The following KAZALD1 variants were observed in gnomAD, a reference collection of about 807,000 sequenced individuals.
KAZALD1 encodes kazal-type serine protease inhibitor domain-containing protein 1.
In KAZALD1, 31 loss-of-function variants were observed where a neutral mutation model predicts 27.7. The ratio of observed to expected loss-of-function variants is 1.12; its 90% CI spans 0.84 to 1.51. KAZALD1 has a LOEUF of 1.51. Among genes scored for constraint, KAZALD1 ranks in the 40% most tolerant of loss-of-function variants. The pLI, the probability that KAZALD1 is intolerant of heterozygous loss-of-function variation, is 0.00. For missense variants in KAZALD1, 444 were observed against 408.9 expected (o/e 1.09, Z -0.74); for synonymous variants, 179 against 182.0 (o/e 0.98, Z 0.13).
Position 101,065,163 on chromosome 10 carries a change from A to C in KAZALD1, c.*243A>C, listed in dbSNP as rs1028088210. The C allele has an allele frequency of 1.4e-5, 7 of 504,156 alleles. No homozygotes were observed. In the Admixed American group the frequency reaches 2.0e-4, roughly 15 times the overall value. The allele number at this position is 504,156 out of a possible 1,614,324, so 31.2% of individuals were successfully genotyped here. ...TGGGGTACAAAGGGGCCCATGCAGG[A>C]GATGCCCTGGCCAGTAGGACCTCCA... On this transcript the variant is annotated 3_prime_UTR_variant, in exon 5 of 5. Transcript: ENST00000370200.
intron 1 of KAZALD1, among the ~76,000 whole-genome samples, 198 bp downstream of exon 1, chr10:101,062,313 T>C (rs1208281154): frequency 6.6e-6 from 1 of 152,104 alleles, no homozygotes; most frequent in Non-Finnish European, 1.5e-5. Flanking sequence ...TATCACCCTT[T>C]CCTCACCTCT....
In KAZALD1 at chr10:101,063,036, G is replaced by T; in HGVS notation, c.444G>T (p.Leu148=). 9 of 1,586,340 alleles carry T rather than the reference G, an allele frequency of 5.7e-6. No homozygotes were observed. The highest frequency in any genetic ancestry group is 7.7e-6 in the Non-Finnish European group (9 of 1,170,216). ...ACACCTACTCCCAGATCTGCCGCCT[G>T]CAGGAGGCGGCCCGCGCTCGGCCCG... ...DGHTYSQICR[L]QEAARARPDA... is the part of the protein sequence containing the mutation. The change falls in exon 2 of 5, where the codon CTG becomes CTT. Residue 148 remains leucine, a synonymous_variant. Coordinates refer to ENST00000370200, the MANE Select transcript of KAZALD1 (RefSeq NM_030929.5).
In KAZALD1 at chr10:101,062,557, TGATGCCCC is replaced by T. The variant is rs781359070; in HGVS notation, c.-33_-26del. On this transcript the variant is annotated 5_prime_UTR_variant, in exon 2 of 5. The change abolishes an upstream ATG in the 5' untranslated region. Transcript: ENST00000370200. ...TTCCTGGCAGGGTGCCCGAACGCGCTGATGCCCCGAGTGCTCGCAGGGCTTCCCGCTAA... is the reference window on the plus strand; with the variant it reads ...TTCCTGGCAGGGTGCCCGAACGCGCTGAGTGCTCGCAGGGCTTCCCGCTAA... The T allele has an allele frequency of 1.9e-5, 30 of 1,570,158 alleles. No individual in the cohort carries two copies. Among genetic ancestry groups the T allele is most frequent in the African/African-American group, 4.1e-5 (3 of 72,812 alleles).
chr10:101,066,408 C>T lies in KAZALD1; in HGVS notation c.*1488C>T, dbSNP rs1183035505. The stretch of plus-strand genomic sequence containing the variant: ...ACTACTCCATCTACTGCTGGCTTGC[C>T]CCGGGTCCTTAAGCCAGCGACAGTT... On this transcript the variant is annotated 3_prime_UTR_variant, in exon 5 of 5. Transcript: ENST00000370200. 1 of 456,792 alleles carries T rather than the reference C, an allele frequency of 2.2e-6. No individual in the cohort carries two copies. The highest frequency in any genetic ancestry group is 4.4e-6 in the Non-Finnish European group (1 of 226,988). 28.3% of individuals were successfully genotyped at this position (456,792 alleles called of 1,614,324 possible). A position where few individuals can be genotyped will look rare whatever the true frequency, so the allele number is the denominator to read the frequency against.
At chr10:101,063,890 G>A (rs1398690433) in intron 2 of KAZALD1, among the ~76,000 whole-genome samples, 1 of 152,238 alleles carries the variant, frequency 6.6e-6, no homozygotes, top group African/African-American at 2.4e-5. Flanking sequence ...GATCTGGAAG[G>A]TTTTGATTAC....
intron 2 of KAZALD1, among the ~76,000 whole-genome samples, chr10:101,064,004 T>C (rs1007751044): frequency 1.3e-5 from 2 of 152,206 alleles, no homozygotes; most frequent in Non-Finnish European, 2.9e-5. Context: ...TGTTTGTGCA[T>C]TGGGTCTGCA....
At chr10:101,063,273 C>T (rs1590098703) in intron 2 of KAZALD1, among the ~76,000 whole-genome samples, 170 bp downstream of exon 2, 1 of 152,142 alleles carries the variant, frequency 6.6e-6, no homozygotes, top group East Asian at 1.9e-4. Context: ...AAAGCTGCCA[C>T]CTTAAGGTGG....
chr10:101,067,913 C>T (rs925841774), downstream of KAZALD1: 1 of 471,426 alleles, frequency 2.1e-6, no homozygotes, highest in Non-Finnish European at 4.4e-6. Context: ...GGGGATGGCG[C>T]GGGCGGTGGC....
At position 101,066,191 on chromosome 10, in the gene KAZALD1, T is replaced by A. The variant is rs1939313602; in HGVS notation, c.*1271T>A. 1 of 341,196 alleles carries A rather than the reference T, an allele frequency of 2.9e-6. No homozygotes were observed. Among genetic ancestry groups the A allele is most frequent in the Non-Finnish European group, 5.9e-6 (1 of 170,510 alleles). The allele number at this position is 341,196 out of a possible 1,614,324, so 21.1% of individuals were successfully genotyped here. ...AAGTCAGCGAGGCCGAGGCGCTGTG[T>A]GTAGATGGCGACAGCCTCCTACACG... On this transcript the variant is annotated 3_prime_UTR_variant, in exon 5 of 5. Transcript: ENST00000370200.
rs368268950 is a variant in KAZALD1, at chr10:101,064,242, C to T, written c.512-19C>T. 6.2e-7 allele frequency: 1 copy of T among 1,613,854 alleles called. No homozygotes were observed. The highest frequency in any genetic ancestry group is 1.1e-5 in the South Asian group (1 of 91,062). ...TTGCTGGGCCATGCTATTCTCAGAC[C>T]TCCCGCCTTCACCCCCAGGGCCCCA... On this transcript the variant is annotated intron_variant, in intron 2 of 4. Coordinates refer to ENST00000370200, the MANE Select transcript of KAZALD1 (RefSeq NM_030929.5).
Position 101,065,256 on chromosome 10 carries a change from ACTT to A in KAZALD1, c.*341_*343del. The A allele has an allele frequency of 3.8e-6, 1 of 260,316 alleles. No homozygotes were observed. Among genetic ancestry groups the A allele is most frequent in the South Asian group, 6.1e-5 (1 of 16,386 alleles). 16.1% of individuals were successfully genotyped at this position (260,316 alleles called of 1,614,324 possible). On this transcript the variant is annotated 3_prime_UTR_variant, in exon 5 of 5. Transcript: ENST00000370200. ...AGAGGTGCAGGCACCAGGATTCTCC[ACTT>A]CTTCCAGCCCTGCTGGGCCACAGTT...
At chr10:101,067,720 C>T (rs1939361656), downstream of KAZALD1, 1 of 357,980 alleles carries the variant, frequency 2.8e-6, no homozygotes, top group Non-Finnish European at 5.7e-6. Context: ...TGGCGAAGCC[C>T]AGCCCCTGGC....
chr10:101,064,258 C>T lies in KAZALD1; in HGVS notation c.512-3C>T. 6.2e-7 allele frequency: 1 copy of T among 1,614,134 alleles called. No individual in the cohort carries two copies. Among genetic ancestry groups the T allele is most frequent in the Non-Finnish European group, 8.5e-7 (1 of 1,179,994 alleles). On this transcript the variant is annotated splice_region_variant and splice_polypyrimidine_tract_variant and intron_variant, in intron 2 of 4. Transcript: ENST00000370200. ...TTCTCAGACCTCCCGCCTTCACCCC[C>T]AGGGCCCCAGATCGTGTCACATCCA...
At chr10:101,062,254 G>C (rs796479818) in intron 1 of KAZALD1, 139 bp downstream of exon 1, 7 of 334,458 alleles carry the variant, frequency 2.1e-5, no homozygotes, top group Non-Finnish European at 3.3e-5. Flanking sequence ...TCGGAGTCGG[G>C]TGGTGCACGG....
Position 101,062,919 on chromosome 10 carries a change from G to A in KAZALD1, c.327G>A (p.Arg109=). Residue 109 remains arginine, a synonymous_variant, in exon 2 of 5, where the codon CGG becomes CGA. Transcript: ENST00000370200. ...ACTGCGGCGAGCAGCTTGAGTGCCG[G>A]CTGGACACAGGCGGCGACCTGAGCC... ...YGHCGEQLEC[R]LDTGGDLSRG... The A allele has an allele frequency of 6.2e-7, 1 of 1,602,946 alleles. No individual in the cohort carries two copies.
downstream of KAZALD1, chr10:101,067,764 G>T: frequency 2.6e-6 from 1 of 377,498 alleles, no homozygotes. Flanking sequence ...TGTGCGGACT[G>T]GGCAGAACTG....
rs780548282 is a variant in KAZALD1 at position 101,063,052 on chromosome 10, G to C, written c.460G>C (p.Ala154Pro). 3.2e-6 allele frequency: 5 copies of C among 1,583,134 alleles called. No individual in the cohort carries two copies. The highest frequency in any genetic ancestry group is 1.1e-5 in the South Asian group (1 of 89,696). ...CTGCCGCCTGCAGGAGGCGGCCCGCGCTCGGCCCGATGCCAACCTCACTGT... is the reference window on the plus strand; with the variant it reads ...CTGCCGCCTGCAGGAGGCGGCCCGCCCTCGGCCCGATGCCAACCTCACTGT... ...QICRLQEAAR[A>P]RPDANLTVAH... is the part of the protein sequence containing the mutation. The change falls in exon 2 of 5, where the codon GCT becomes CCT. Residue 154 changes from alanine to proline, a missense_variant. Ala to Pro is a conservative substitution (Grantham distance 27). Coordinates refer to ENST00000370200, the MANE Select transcript of KAZALD1 (RefSeq NM_030929.5).
downstream of KAZALD1, chr10:101,067,867 GA>G: frequency 2.1e-6 from 1 of 469,314 alleles, no homozygotes; most frequent in Non-Finnish European, 4.4e-6. Flanking sequence ...AGACCTTGGG[GA>G]CCGAGGACAC....
chr10:101,068,087 A>G (rs1366973788), downstream of KAZALD1: 1 of 440,792 alleles, frequency 2.3e-6, no homozygotes, highest in South Asian at 1.6e-5. Flanking sequence ...GCCTTGAGAC[A>G]ATTTACTTGA....
Sources: allele counts gnomAD v4.1 joint callset (sites outside exome capture counted in the v4.1 genomes callset), GRCh38; gene constraint gnomAD v4.1.1; transcripts MANE v1.5; gene names NCBI Gene and HGNC (gene_info 2026-07-23, HGNC 2026-07-21).